Variants in TAF2 observed in about 807,000 individuals in gnomAD.
TAF2 encodes TATA-box binding protein associated factor 2, also known as transcription initiation factor TFIID subunit 2.
TAF2 carries 61 observed loss-of-function variants against 138.5 expected under a neutral mutation model. The observed-to-expected ratio is 0.44, with a 90% CI of 0.36 to 0.54. TAF2 has a LOEUF of 0.54. Ranked by LOEUF, TAF2 falls within the 20% of genes least tolerant of loss-of-function variation. The probability of loss-of-function intolerance (pLI) is 0.00; values close to 1 mark genes in which losing one functional copy is unlikely to be tolerated. For missense variants in TAF2, 1,090 were observed against 1,427.9 expected, an observed-to-expected ratio of 0.76 and a Z score of 3.81; for synonymous variants, 475 against 469.9, an observed-to-expected ratio of 1.01 and a Z score of -0.14.
chr8:119,762,036 T>A (rs1586352109), intron 19 of TAF2, among the ~76,000 whole-genome samples: 1 of 152,154 alleles, frequency 6.6e-6, no homozygotes, highest in East Asian at 1.9e-4. Context: ...ATAAAGCTGG[T>A]AAAAGTGAAA....
chr8:119,797,030 C>A lies in TAF2; in HGVS notation c.1051G>T (p.Ala351Ser). 2.5e-6 allele frequency: 4 copies of A among 1,613,124 alleles called. No individual in the cohort carries two copies. The highest frequency in any genetic ancestry group is 2.2e-5 in the East Asian group (1 of 44,778). The change falls in exon 8 of 26, where the codon GCC becomes TCC. Residue 351 changes from alanine (A) to serine (S), a missense_variant. Coordinates refer to ENST00000378164, the MANE Select transcript of TAF2 (RefSeq NM_003184.4). ...LTRRCLAQSL[A>S]QQFFGCFISR... ...ATGAAACAACCAAAAAACTGCTGGG[C>A]CAAGGATTGGGCTAAACACCTTCTA... is the stretch of plus-strand genomic sequence containing the variant.
At chr8:119,776,396 A>G (rs1046221168) in intron 18 of TAF2, among the ~76,000 whole-genome samples, 1 of 147,674 alleles carries the variant, frequency 6.8e-6, no homozygotes, top group African/African-American at 2.5e-5. Context: ...AAGTTTCATC[A>G]ATTTGGCCGG....
chr8:119,750,358 C>CA (rs1329911379), intron 22 of TAF2, among the ~76,000 whole-genome samples: 1 of 151,818 alleles, frequency 6.6e-6, no homozygotes, highest in Non-Finnish European at 1.5e-5. Context: ...CAAACACAAA[C>CA]AAAAAAAACT....
intron 10 of TAF2, 80 bp from the exon 11 acceptor site, chr8:119,791,539 A>T: frequency 6.7e-7 from 1 of 1,496,102 alleles, no homozygotes; most frequent in East Asian, 2.5e-5. Flanking sequence ...CACATCAAGA[A>T]AATACCCAAA....
At position 119,746,752 on chromosome 8, in the gene TAF2, C is replaced by T. The variant is rs778812763; in HGVS notation, c.3061G>A (p.Ala1021Thr). 34 of 1,613,994 alleles carry T rather than the reference C, an allele frequency of 2.1e-5. No homozygotes were observed. The highest frequency in any genetic ancestry group is 2.8e-5 in the Non-Finnish European group (33 of 1,180,012). ...PESVAGNQEAANNPSSHPQLV... is the reference protein window; with the variant it reads ...PESVAGNQEATNNPSSHPQLV... ...TGTGGGTGACTGCTTGGATTATTTG[C>T]AGCTTCTTGGTTGCCTGCTACTGAC... Residue 1021 changes from alanine to threonine, a missense_variant, in exon 23 of 26, where the codon GCA becomes ACA. Transcript: ENST00000378164.
At chr8:119,732,769 A>T (rs1314857662) in intron 25 of TAF2, among the ~76,000 whole-genome samples, 2 of 152,132 alleles carry the variant, frequency 1.3e-5, no homozygotes, top group African/African-American at 2.4e-5. Context: ...GTGTCACTGC[A>T]CTCCAGCCTG....
chr8:119,732,745 A>G (rs1818967393), intron 25 of TAF2, among the ~76,000 whole-genome samples: 1 of 151,436 alleles, frequency 6.6e-6, no homozygotes, highest in Non-Finnish European at 1.5e-5. Flanking sequence ...CCGAGGTTGC[A>G]GTGAGCTGAG....
At chr8:119,789,815 T>C in intron 11 of TAF2, 69 bp from the exon 12 acceptor site, 1 of 1,451,526 alleles carries the variant, frequency 6.9e-7, no homozygotes, top group South Asian at 1.2e-5. Context: ...ATACTCACTT[T>C]GCATTATAAC....
chr8:119,781,103 T>A lies in TAF2; in HGVS notation c.2203A>T (p.Ile735Phe), dbSNP rs764798888. 4 of 1,614,074 alleles carry A rather than the reference T, an allele frequency of 2.5e-6. No homozygotes were observed. The highest frequency in any genetic ancestry group is 1.7e-6 in the Non-Finnish European group (2 of 1,180,028). Residue 735 changes from isoleucine to phenylalanine, a missense_variant, in exon 17 of 26, where the codon ATT becomes TTT. Physicochemically the swap from Ile to Phe is conservative, Grantham distance 21. Transcript: ENST00000378164. ...RMFCCKSCPN[I>F]VKTNNFMSFQ... ...CTCATAAAGTTGTTTGTTTTCACAA[T>A]GTTTGGACAACTTTTACAACAAAAC...
chr8:119,741,942 G>C (rs1001089358), intron 25 of TAF2, among the ~76,000 whole-genome samples: 6 of 152,162 alleles, frequency 3.9e-5, no homozygotes, highest in African/African-American at 1.4e-4. Context: ...TGATGAAACA[G>C]AATAAGCAGA....
At chr8:119,816,997 A>G (rs1825518227) in intron 3 of TAF2, among the ~76,000 whole-genome samples, 1 of 152,242 alleles carries the variant, frequency 6.6e-6, no homozygotes, top group Admixed American at 6.5e-5. Context: ...ATTGAAAATC[A>G]CCTCTCTTAA....
intron 19 of TAF2, among the ~76,000 whole-genome samples, chr8:119,761,230 T>C (rs991677757): frequency 1.1e-4 from 17 of 152,190 alleles, no homozygotes; most frequent in African/African-American, 3.4e-4. Context: ...GTACTTACCA[T>C]TGTGTTATCA....
chr8:119,756,273 C>CCAAAGA (rs1313209673), intron 21 of TAF2, among the ~76,000 whole-genome samples, 158 bp from the exon 22 acceptor site: 6 of 152,084 alleles, frequency 3.9e-5, no homozygotes, highest in African/African-American at 1.4e-4. Flanking sequence ...AGTTTAATTT[C>CCAAAGA]CAAAGACATG....
At chr8:119,764,653 C>A (rs1039522408) in intron 18 of TAF2, among the ~76,000 whole-genome samples, 4 of 152,038 alleles carry the variant, frequency 2.6e-5, no homozygotes, top group Non-Finnish European at 5.9e-5. Context: ...TGACAAACAC[C>A]TTCAACCACA....
At chr8:119,817,390 G>A (rs979018929) in intron 3 of TAF2, among the ~76,000 whole-genome samples, 4 of 152,114 alleles carry the variant, frequency 2.6e-5, no homozygotes, top group Non-Finnish European at 5.9e-5. Flanking sequence ...GCATGCAAGA[G>A]ATCTAGGTCG....
At chr8:119,779,093 C>T (rs1822463290) in intron 17 of TAF2, among the ~76,000 whole-genome samples, 1 of 152,104 alleles carries the variant, frequency 6.6e-6, no homozygotes, top group African/African-American at 2.4e-5. Flanking sequence ...GCCTTTTCTG[C>T]CCTTTGAGAC....
At position 119,756,234 on chromosome 8, in the gene TAF2, C is replaced by G. The variant is rs943831397; in HGVS notation, c.2769-119G>C. On this transcript the variant is annotated intron_variant, in intron 21 of 25. Coordinates refer to ENST00000378164, the MANE Select transcript of TAF2 (RefSeq NM_003184.4). ...TTCCTCCTTCCTATTTTAACACTTT[C>G]TCTCTTAAATCTAGCTCTGTGTTTA... 4.2e-6 allele frequency: 3 copies of G among 715,066 alleles called. No homozygotes were observed. In the African/African-American group the frequency reaches 5.3e-5, roughly 13 times the overall value. The allele number at this position is 715,066 out of a possible 1,614,324, so 44.3% of individuals were successfully genotyped here.
intron 18 of TAF2, among the ~76,000 whole-genome samples, chr8:119,773,256 A>ATACAC (rs1821979400): frequency 6.6e-6 from 1 of 151,492 alleles, no homozygotes; most frequent in Non-Finnish European, 1.5e-5. Context: ...TATTCTTATA[A>ATACAC]TACACTACCA....
At chr8:119,742,481 T>G in intron 25 of TAF2, 53 bp downstream of exon 25, 1 of 1,593,646 alleles carries the variant, frequency 6.3e-7, no homozygotes, top group Non-Finnish European at 8.6e-7. Context: ...TCTATTACAT[T>G]TATAGATTTG....
Sources: allele counts gnomAD v4.1 joint callset (sites outside exome capture counted in the v4.1 genomes callset), GRCh38; gene constraint gnomAD v4.1.1; transcripts MANE v1.5; gene names NCBI Gene and HGNC (gene_info 2026-07-23, HGNC 2026-07-21).